VAPA: variants seen among roughly 807,000 people sequenced by gnomAD.
VAPA encodes vesicle-associated membrane protein-associated protein A.
VAPA carries 6 observed loss-of-function variants against 25.6 expected under a neutral mutation model. That is an observed-to-expected ratio of 0.23 (90% confidence interval 0.13 to 0.46). VAPA has a LOEUF of 0.46. Ranked by LOEUF, VAPA falls within the 20% of genes least tolerant of loss-of-function variation. The probability of loss-of-function intolerance (pLI) is 0.99; values close to 1 mark genes in which losing one functional copy is unlikely to be tolerated. For synonymous variants in VAPA, 112 were observed against 106.2 expected (o/e 1.05, Z -0.34); for missense variants, 244 against 302.1 (o/e 0.81, Z 1.43).
intron 1 of VAPA, among the ~76,000 whole-genome samples, chr18:9,922,627 TGGTTATA>T (rs912717157): frequency 3.3e-5 from 5 of 151,932 alleles, no homozygotes; most frequent in Non-Finnish European, 7.4e-5. Context: ...TATAAATAGA[TGGTTATA>T]GGTTTCAGAC....
rs185139232 is a variant in VAPA, at chr18:9,930,366, C to G, written c.80-1444C>G. The stretch of plus-strand genomic sequence containing the variant: ...GTCAAAATAGTCCTATAACATTTTA[C>G]ATTTTTAAGCGTTTGTAGTAATTAT... On this transcript the variant is annotated intron_variant, in intron 1 of 5. Transcript: ENST00000400000. Among the ~76,000 whole-genome samples, 363 of 152,200 alleles carry G rather than the reference C, an allele frequency of 2.4e-3. 2 individuals are homozygous for G. The highest frequency in any genetic ancestry group is 0.024 in the Middle Eastern group (7 of 294).
intron 1 of VAPA, 23 bp downstream of exon 1, chr18:9,914,358 C>A: frequency 6.4e-7 from 1 of 1,557,580 alleles, no homozygotes; most frequent in Non-Finnish European, 8.7e-7. Context: ...GGGACACCCC[C>A]GGGTGGGGTG....
At chr18:9,923,089 C>G (rs577054979) in intron 1 of VAPA, among the ~76,000 whole-genome samples, 1 of 152,094 alleles carries the variant, frequency 6.6e-6, no homozygotes, top group South Asian at 2.1e-4. Context: ...AAGAAACCTC[C>G]GTATCATTTT....
At chr18:9,921,378 C>G (rs779366965) in intron 1 of VAPA, among the ~76,000 whole-genome samples, 1 of 151,980 alleles carries the variant, frequency 6.6e-6, no homozygotes, top group Non-Finnish European at 1.5e-5. Flanking sequence ...CTTGGGTGTT[C>G]TGTCTTTAAA....
chr18:9,932,571 GTTTC>G (rs1306740059), intron 2 of VAPA, among the ~76,000 whole-genome samples: 2 of 152,162 alleles, frequency 1.3e-5, no homozygotes, highest in East Asian at 1.9e-4. Flanking sequence ...CCTATAAACT[GTTTC>G]TTTCTTTCTC....
intron 4 of VAPA, among the ~76,000 whole-genome samples, chr18:9,938,626 A>G (rs1401776603): frequency 6.6e-6 from 1 of 152,238 alleles, no homozygotes; most frequent in East Asian, 1.9e-4. Flanking sequence ...AGGTATTACT[A>G]GTAACCTAAA....
chr18:9,952,423 C>T (rs907507745), intron 5 of VAPA, among the ~76,000 whole-genome samples: 2 of 151,834 alleles, frequency 1.3e-5, no homozygotes, highest in Non-Finnish European at 2.9e-5. Flanking sequence ...AAAAATTATC[C>T]GGGTGTGGTG....
chr18:9,918,641 G>A (rs2069132364), intron 1 of VAPA, among the ~76,000 whole-genome samples: 2 of 152,088 alleles, frequency 1.3e-5, no homozygotes, highest in African/African-American at 2.4e-5. Flanking sequence ...CTGAGATTCT[G>A]ATTTGGTTTC....
rs947102921 is a variant in VAPA, at chr18:9,959,844, C to G, written c.*5633C>G. On this transcript the variant is annotated 3_prime_UTR_variant, in exon 6 of 6. Coordinates refer to ENST00000400000, the MANE Select transcript of VAPA (RefSeq NM_194434.3). ...TCAAATAGAGGTTTGTTAGGAATTA[C>G]AGTTGTGGGGAGCAAACTTTCTTTT... is the stretch of plus-strand genomic sequence containing the variant. The G allele has an allele frequency of 1.3e-5, 2 of 150,390 alleles. No homozygotes were observed. Among genetic ancestry groups the G allele is most frequent in the African/African-American group, 4.9e-5 (2 of 40,800 alleles). 9.3% of individuals were successfully genotyped at this position (150,390 alleles called of 1,614,324 possible).
At chr18:9,943,592 G>C (rs570645778) in intron 4 of VAPA, among the ~76,000 whole-genome samples, 14 of 152,198 alleles carry the variant, frequency 9.2e-5, no homozygotes, top group Admixed American at 7.9e-4. Context: ...TACAAAATAG[G>C]GTTCTTTGAA....
rs956373706 is a variant in VAPA at position 9,950,467 on chromosome 18, A to C, written c.490A>C (p.Ser164Arg). 2 of 1,614,036 alleles carry C rather than the reference A, an allele frequency of 1.2e-6. No homozygotes were observed. Among genetic ancestry groups the C allele is most frequent in the Non-Finnish European group, 1.7e-6 (2 of 1,180,008 alleles). The change falls in exon 5 of 6, where the codon AGT becomes CGT. Residue 164 changes from serine to arginine, a missense_variant. Ser to Arg is a moderately radical substitution (Grantham distance 110). This residue lies in a region of VAPA where 145 missense variants were observed against 140.6 expected (regional missense o/e 1.03). Transcript: ENST00000400000. ...KQDGPMPKPH[S>R]VSLNDTETRK... ...AGATGGACCTATGCCAAAACCACAC[A>C]GTGTTTCACTTAATGATACCGAAAC...
At chr18:9,933,842 G>T (rs530168939) in intron 2 of VAPA, among the ~76,000 whole-genome samples, 4 of 152,246 alleles carry the variant, frequency 2.6e-5, no homozygotes, top group African/African-American at 7.2e-5. Flanking sequence ...CTGGCCAGAA[G>T]ATATAATTAT....
At chr18:9,921,674 G>A (rs947809041) in intron 1 of VAPA, among the ~76,000 whole-genome samples, 3 of 152,152 alleles carry the variant, frequency 2.0e-5, no homozygotes, top group Non-Finnish European at 1.5e-5. Flanking sequence ...TTCAGAGGTG[G>A]AAGTTGATAC....
chr18:9,930,073 T>C (rs901951469), intron 1 of VAPA, among the ~76,000 whole-genome samples: 2 of 152,182 alleles, frequency 1.3e-5, no homozygotes, highest in African/African-American at 2.4e-5. Context: ...ACAGTCATTT[T>C]AAAAATCAGT....
rs71169911 is a variant in VAPA, at chr18:9,943,841, C to CTTTTTTTTTTTTTTTTTTTTTTTTTTT, written c.418-6543_418-6517dup. Reference sequence around the variant, plus strand: ...TGACATTTGAAGGTGACATATTTCCCTTTTTTTTTTTTTTTTTTTTTTTTT... The same window carrying CTTTTTTTTTTTTTTTTTTTTTTTTTTT: ...TGACATTTGAAGGTGACATATTTCCCTTTTTTTTTTTTTTTTTTTTTTTTTTTTTTTTTTTTTTTTTTTTTTTTTTTT... On this transcript the variant is annotated intron_variant, in intron 4 of 5. Transcript: ENST00000400000. 2.1e-4 allele frequency among the ~76,000 whole-genome samples: 11 copies of CTTTTTTTTTTTTTTTTTTTTTTTTTTT among 51,770 alleles called. 2 individuals carry two copies. The highest frequency in any genetic ancestry group is 7.0e-4 in the East Asian group (1 of 1,436). 34.0% of individuals were successfully genotyped at this position (51,770 alleles called of 152,430 possible).
chr18:9,948,919 A>C, intron 4 of VAPA: 1 of 152,074 alleles, frequency 6.6e-6, no homozygotes. Flanking sequence ...ACTTTTTCCC[A>C]ATTTTTAACC....
At position 9,957,738 on chromosome 18, in the gene VAPA, T is replaced by A. The variant is rs1340312853; in HGVS notation, c.*3527T>A. The A allele has an allele frequency of 6.6e-6, 1 of 152,234 alleles. No homozygotes were observed. The highest frequency in any genetic ancestry group is 1.5e-5 in the Non-Finnish European group (1 of 68,044). The allele number at this position is 152,234 out of a possible 1,614,324, so 9.4% of individuals were successfully genotyped here. On this transcript the variant is annotated 3_prime_UTR_variant, in exon 6 of 6. Coordinates refer to ENST00000400000, the MANE Select transcript of VAPA (RefSeq NM_194434.3). ...ACAATACAAAAAAAATTTCAACAGA[T>A]TGTGTGGTTTGTGCATTTATATCCT...
Position 9,957,913 on chromosome 18 carries a change from A to G in VAPA, c.*3702A>G, listed in dbSNP as rs565715227. On this transcript the variant is annotated 3_prime_UTR_variant, in exon 6 of 6. Coordinates refer to ENST00000400000, the MANE Select transcript of VAPA (RefSeq NM_194434.3). ...ATAGCCCCACTTTTGGTAGACTACCACCACGCTTCTTCGCGTAAGCAGTGG... is the reference window on the plus strand; with the variant it reads ...ATAGCCCCACTTTTGGTAGACTACCGCCACGCTTCTTCGCGTAAGCAGTGG... 1 of 152,348 alleles carries G rather than the reference A, an allele frequency of 6.6e-6. No individual in the cohort carries two copies. The highest frequency in any genetic ancestry group is 1.5e-5 in the Non-Finnish European group (1 of 68,026). 9.4% of individuals were successfully genotyped at this position (152,348 alleles called of 1,614,324 possible).
intron 1 of VAPA, among the ~76,000 whole-genome samples, chr18:9,928,144 A>G (rs1032451860): frequency 6.6e-6 from 1 of 152,140 alleles, no homozygotes; most frequent in African/African-American, 2.4e-5. Flanking sequence ...GGCAAATGAT[A>G]GGATTTCCCT....
Sources: gnomAD v4.1 joint callset for allele counts (sites outside exome capture counted in the v4.1 genomes callset) on GRCh38, gnomAD v4.1.1 for gene constraint, gnomAD v4.1.1 regional missense constraint, MANE v1.5 for transcripts, NCBI Gene and HGNC (gene_info 2026-07-23, HGNC 2026-07-21) for gene names.